The following IGSF11 variants were observed in gnomAD, a reference collection of about 807,000 sequenced individuals.
IGSF11 encodes the protein CXADR like 1.
IGSF11 carries 22 observed loss-of-function variants against 41.0 expected under a neutral mutation model. That is an observed-to-expected ratio of 0.54 (90% CI 0.38 to 0.77). The LOEUF (loss-of-function observed/expected upper bound fraction) is 0.77, where lower values mean the gene tolerates loss of function less well. Ranked by LOEUF, IGSF11 falls within the 30% of genes least tolerant of loss-of-function variation. The probability of loss-of-function intolerance (pLI) is 0.00; values close to 1 mark genes in which losing one functional copy is unlikely to be tolerated. For synonymous variants in IGSF11, 219 were observed against 201.3 expected, an observed-to-expected ratio of 1.09 and a Z score of -0.74; for missense variants, 444 against 530.8, an observed-to-expected ratio of 0.84 and a Z score of 1.61.
chr3:119,106,216 T>C (rs187603532), upstream of IGSF11, among the ~76,000 whole-genome samples: 21 of 152,290 alleles, frequency 1.4e-4, no homozygotes, highest in East Asian at 4.0e-3. Flanking sequence ...AACAATCCAT[T>C]TATACTTTTT....
chr3:118,932,667 T>C (rs1298493935), intron 1 of IGSF11, among the ~76,000 whole-genome samples: 1 of 152,202 alleles, frequency 6.6e-6, no homozygotes, highest in Admixed American at 6.5e-5. Flanking sequence ...AGCTACCTCA[T>C]AAGGTAGAAA....
chr3:119,145,089 C>T (rs543177612), intron 1 of IGSF11, among the ~76,000 whole-genome samples: 27 of 152,310 alleles, frequency 1.8e-4, no homozygotes, highest in Non-Finnish European at 2.5e-4. Context: ...AATGACTTTA[C>T]TTCAGTGTGC....
intron 1 of IGSF11, among the ~76,000 whole-genome samples, chr3:119,054,691 G>C (rs1941752654): frequency 6.6e-6 from 1 of 152,196 alleles, no homozygotes. Context: ...TATCTGCACA[G>C]AGGAAAAGAA....
At chr3:119,017,995 C>T (rs1016270717) in intron 1 of IGSF11, among the ~76,000 whole-genome samples, 3 of 151,782 alleles carry the variant, frequency 2.0e-5, no homozygotes, top group African/African-American at 7.3e-5. Context: ...TTGGTAAGAA[C>T]TGAGTTTTAT....
At chr3:118,942,953 G>C (rs991146445) in intron 1 of IGSF11, 8 of 152,250 alleles carry the variant, frequency 5.3e-5, no homozygotes, top group African/African-American at 1.4e-4. Flanking sequence ...CAAGTTCCTT[G>C]ACAAGAGGAG....
intron 1 of IGSF11, among the ~76,000 whole-genome samples, chr3:119,095,955 T>C (rs2076842559): frequency 6.6e-6 from 1 of 152,240 alleles, no homozygotes; most frequent in Non-Finnish European, 1.5e-5. Context: ...TAAACTTCTT[T>C]ATTTTTTACT....
In IGSF11 at chr3:119,115,758, C is replaced by T. The variant is rs537068140; in HGVS notation, c.-13-10553G>A. 7.9e-5 allele frequency among the ~76,000 whole-genome samples: 12 copies of T among 151,974 alleles called. No individual in the cohort carries two copies. The South Asian group carries it at 2.5e-3, about 32-fold the overall frequency. On this transcript the variant is annotated intron_variant, in intron 1 of 7. Transcript: ENST00000425327. Reference sequence around the variant, plus strand: ...TGAAGCTTTTTAATTTAATATAATCCCATATGTCCAAAAATAGAGAAATCT... The same window carrying T: ...TGAAGCTTTTTAATTTAATATAATCTCATATGTCCAAAAATAGAGAAATCT...
At chr3:119,064,360 T>G (rs1316823503) in intron 1 of IGSF11, among the ~76,000 whole-genome samples, 2 of 152,156 alleles carry the variant, frequency 1.3e-5, no homozygotes, top group African/African-American at 4.8e-5. Context: ...TGAGTATGTG[T>G]AGGGGGTTTT....
chr3:119,065,698 C>T (rs1205108358), intron 1 of IGSF11, among the ~76,000 whole-genome samples: 1 of 146,248 alleles, frequency 6.8e-6, no homozygotes, highest in Admixed American at 7.2e-5. Flanking sequence ...GAGGCTGAAA[C>T]AGGAGAATTG....
chr3:119,051,020 T>G (rs1941603107), intron 1 of IGSF11, among the ~76,000 whole-genome samples: 3 of 138,586 alleles, frequency 2.2e-5, no homozygotes, highest in African/African-American at 5.2e-5. Context: ...GGGGGAGGGA[T>G]GGCATTGGGA....
intron 4 of IGSF11, among the ~76,000 whole-genome samples, chr3:118,924,957 C>T (rs1053475119): frequency 2.0e-5 from 3 of 152,118 alleles, no homozygotes; most frequent in African/African-American, 7.2e-5. Flanking sequence ...AATCATGTCA[C>T]TTACAATGGT....
chr3:119,121,871 T>A (rs992386654), intron 1 of IGSF11, among the ~76,000 whole-genome samples: 4 of 152,140 alleles, frequency 2.6e-5, no homozygotes, highest in African/African-American at 9.7e-5. Flanking sequence ...TGACTTCTTA[T>A]AAGAAACCAT....
At chr3:119,018,622 A>G (rs533268561) in intron 1 of IGSF11, among the ~76,000 whole-genome samples, 1 of 152,368 alleles carries the variant, frequency 6.6e-6, no homozygotes, top group Non-Finnish European at 1.5e-5. Context: ...CAACTGAAAC[A>G]TCTATTTCTT....
rs563883173 is a variant in IGSF11, at chr3:119,051,375, AT to A, written c.49+53768del. The stretch of plus-strand genomic sequence containing the variant: ...TTTAAAGCAACAACAGTTAAAAAAA[AT>A]AAAGAGGGGCATTATATAATAATAA... On this transcript the variant is annotated intron_variant, in intron 1 of 6. Coordinates refer to the IGSF11 transcript ENST00000354673. Among the ~76,000 whole-genome samples the A allele has an allele frequency of 4.4e-3, 666 of 151,936 alleles. 13 individuals carry two copies. Among genetic ancestry groups the A allele is most frequent in the African/African-American group, 0.015 (639 of 41,292 alleles).
chr3:118,998,150 T>C (rs1293750482), intron 1 of IGSF11, among the ~76,000 whole-genome samples: 1 of 152,300 alleles, frequency 6.6e-6, no homozygotes, highest in Non-Finnish European at 1.5e-5. Flanking sequence ...CCAGGGAATG[T>C]GTACAACAGT....
At chr3:118,982,669 CCTT>C (rs1428877873) in intron 1 of IGSF11, among the ~76,000 whole-genome samples, 1 of 152,086 alleles carries the variant, frequency 6.6e-6, no homozygotes, top group Admixed American at 6.5e-5. Flanking sequence ...CCTCCCTCCT[CCTT>C]AATATCATTA....
Position 118,955,231 on chromosome 3 carries a change from CACACACACACACACACACACACAT to C in IGSF11, c.53-24980_53-24957del, listed in dbSNP as rs1044235251. Among the ~76,000 whole-genome samples the C allele has an allele frequency of 4.8e-5, 7 of 144,836 alleles. No individual in the cohort carries two copies. In the South Asian group the frequency reaches 1.5e-3, roughly 31 times the overall value. Reference sequence around the variant, plus strand: ...ATGTATATGTACATACACACACACACACACACACACACACACACACACATACACACACACACCATGGAATACTAC... The same window carrying C: ...ATGTATATGTACATACACACACACACACACACACACACCATGGAATACTAC... On this transcript the variant is annotated intron_variant, in intron 1 of 6. Coordinates refer to ENST00000393775, the MANE Select transcript of IGSF11 (RefSeq NM_001015887.3).
intron 4 of IGSF11, among the ~76,000 whole-genome samples, chr3:118,921,649 C>T (rs541027040): frequency 3.3e-5 from 5 of 152,098 alleles, no homozygotes; most frequent in African/African-American, 9.6e-5. Flanking sequence ...GGGCACATAC[C>T]CAGTGATTCC....
chr3:119,114,525 A>G (rs916825459), intron 1 of IGSF11, among the ~76,000 whole-genome samples: 1 of 152,170 alleles, frequency 6.6e-6, no homozygotes, highest in Non-Finnish European at 1.5e-5. Context: ...ACACATAACA[A>G]AAGTGATCTT....
Sources: gnomAD v4.1 joint callset for allele counts (sites outside exome capture counted in the v4.1 genomes callset) on GRCh38, gnomAD v4.1.1 for gene constraint, MANE v1.5 for transcripts, NCBI Gene and HGNC (gene_info 2026-07-23, HGNC 2026-07-21) for gene names.